PTK2: variants seen among roughly 807,000 people sequenced by gnomAD.
PTK2 encodes the protein focal adhesion kinase 1.
Under a neutral mutation model 150.1 loss-of-function variants are expected in PTK2, and 45 were observed. The ratio of observed to expected loss-of-function variants is 0.30; its 90% CI spans 0.24 to 0.38. The LOEUF is 0.38. Ranked by LOEUF, PTK2 falls within the 10% of genes least tolerant of loss-of-function variation. The pLI is 1.00. For missense variants in PTK2, 919 were observed against 1,307.3 expected (o/e 0.70, Z 4.58); for synonymous variants, 432 against 449.2 (o/e 0.96, Z 0.48).
In PTK2 at chr8:140,713,451, C is replaced by T. The variant is rs558824435; in HGVS notation, c.2142+4147G>A. Among the ~76,000 whole-genome samples the T allele has an allele frequency of 2.1e-4, 32 of 152,240 alleles. 1 individual carries two copies. In the East Asian group the frequency reaches 4.8e-3, roughly 23 times the overall value. On this transcript the variant is annotated intron_variant, in intron 23 of 31. Transcript: ENST00000522684. The stretch of plus-strand genomic sequence containing the variant: ...CTAATTTTTGTATTTTTAGTTGAAA[C>T]GGGGTTTTGCCATGTTGGCCAGGCT...
At chr8:140,673,112 T>C (rs2100011591) in intron 29 of PTK2, among the ~76,000 whole-genome samples, 2 of 152,118 alleles carry the variant, frequency 1.3e-5, no homozygotes, top group South Asian at 4.1e-4. Context: ...ATCCTTTTTT[T>C]TTTTTTTAAC....
exon 12 of PTK2, chr8:140,800,489 A>C: frequency 1.2e-6 from 2 of 1,613,756 alleles, no homozygotes; most frequent in Non-Finnish European, 1.7e-6. Flanking sequence ...AATGACTGCG[A>C]GGTTCCATTC....
Position 140,972,989 on chromosome 8 carries a change from A to C in PTK2, c.-122+28136T>G. 1.3e-5 allele frequency among the ~76,000 whole-genome samples: 2 copies of C among 152,268 alleles called. 1 individual carries two copies. Among genetic ancestry groups the C allele is most frequent in the Non-Finnish European group, 2.9e-5 (2 of 68,040 alleles). On this transcript the variant is annotated intron_variant, in intron 1 of 31. Transcript: ENST00000522684. ...AAATCCCTGATAGAAATGTTAGAAC[A>C]GATGTCAAGTATGACACACTTCTGG...
chr8:140,671,787 A>C lies in PTK2; in HGVS notation c.2709+2511T>G, dbSNP rs1313847902. ...AAAAAAAAAAAAAAAAAAAAATTAG[A>C]TGGGCCTGGTGGCGGGTGCCTGTAG... On this transcript the variant is annotated intron_variant, in intron 29 of 31. Coordinates refer to ENST00000522684, the Ensembl canonical transcript of PTK2. 8.4e-5 allele frequency among the ~76,000 whole-genome samples: 12 copies of C among 143,330 alleles called. No homozygotes were observed. The East Asian group carries it at 1.7e-3, about 20-fold the overall frequency. The allele number at this position is 143,330 out of a possible 152,430, so 94.0% of individuals were successfully genotyped here. A position where few individuals can be genotyped will look rare whatever the true frequency, so the allele number is the denominator to read the frequency against.
At chr8:140,691,199 G>T (rs58254850) in intron 26 of PTK2, among the ~76,000 whole-genome samples, 3 of 144,218 alleles carry the variant, frequency 2.1e-5, no homozygotes, top group Non-Finnish European at 4.7e-5. Context: ...ATGGTTGGGG[G>T]TGGGGGGTCT....
chr8:140,929,004 C>T (rs1313730396), intron 1 of PTK2, among the ~76,000 whole-genome samples: 3 of 107,896 alleles, frequency 2.8e-5, no homozygotes, highest in South Asian at 6.8e-4. Context: ...CTCGCTCTGT[C>T]GCCCAGGCTG....
chr8:140,670,165 G>A (rs755708235), intron 29 of PTK2: 21 of 159,972 alleles, frequency 1.3e-4, no homozygotes, highest in Non-Finnish European at 2.2e-4. Flanking sequence ...TCCTGAGCCC[G>A]GCCCCTCAAT....
intron 10 of PTK2, among the ~76,000 whole-genome samples, chr8:140,816,913 T>C (rs1258790068): frequency 1.3e-5 from 2 of 152,222 alleles, no homozygotes; most frequent in Non-Finnish European, 2.9e-5. Flanking sequence ...ATTACAACTA[T>C]TTGAAACGAA....
intron 1 of PTK2, among the ~76,000 whole-genome samples, chr8:140,929,442 C>A (rs1004494835): frequency 2.6e-5 from 4 of 152,138 alleles, no homozygotes; most frequent in Non-Finnish European, 5.9e-5. Flanking sequence ...TAACCAATCA[C>A]TGACTAAGGG....
intron 5 of PTK2, among the ~76,000 whole-genome samples, chr8:140,859,035 G>A (rs1341581847): frequency 6.6e-6 from 1 of 152,104 alleles, no homozygotes; most frequent in African/African-American, 2.4e-5. Flanking sequence ...TAAAACCGCT[G>A]AACAAATTAT....
At chr8:140,697,975 A>C (rs181058717) in intron 26 of PTK2, among the ~76,000 whole-genome samples, 182 of 145,668 alleles carry the variant, frequency 1.2e-3, no homozygotes, top group African/African-American at 4.5e-3. Flanking sequence ...GATTATAGTC[A>C]CTGTGCCTGG....
intron 29 of PTK2, chr8:140,668,879 T>C (rs2093946191): frequency 6.4e-6 from 1 of 156,790 alleles, no homozygotes. Context: ...ATGGCTCAGC[T>C]TAGCTGCCCT....
chr8:140,926,572 G>A (rs2100169555), intron 1 of PTK2, among the ~76,000 whole-genome samples: 1 of 152,198 alleles, frequency 6.6e-6, no homozygotes, highest in Non-Finnish European at 1.5e-5. Flanking sequence ...AGGCTCATGT[G>A]ATAGTCCTCT....
chr8:140,736,596 T>C (rs1456800599), intron 21 of PTK2, among the ~76,000 whole-genome samples: 1 of 151,498 alleles, frequency 6.6e-6, no homozygotes, highest in Non-Finnish European at 1.5e-5. Context: ...AATGAACATA[T>C]AATGCAATGT....
At chr8:140,676,416 A>T (rs2100013743) in intron 27 of PTK2, among the ~76,000 whole-genome samples, 1 of 146,466 alleles carries the variant, frequency 6.8e-6, no homozygotes, top group Non-Finnish European at 1.5e-5. Context: ...ATTAATTAAT[A>T]TATATATTCC....
chr8:140,961,103 G>C (rs2100183028), intron 1 of PTK2, among the ~76,000 whole-genome samples: 1 of 152,198 alleles, frequency 6.6e-6, no homozygotes, highest in African/African-American at 2.4e-5. Context: ...CTGAATTCCA[G>C]TCCTAGTTCT....
chr8:140,951,677 G>GT (rs1358738521), intron 1 of PTK2, among the ~76,000 whole-genome samples: 3 of 152,150 alleles, frequency 2.0e-5, no homozygotes, highest in Middle Eastern at 3.2e-3. Context: ...GAAGCCAGGA[G>GT]TTTGAGACCA....
chr8:140,900,497 GTA>G (rs2100158000), intron 2 of PTK2, among the ~76,000 whole-genome samples: 1 of 152,106 alleles, frequency 6.6e-6, no homozygotes, highest in Admixed American at 6.6e-5. Flanking sequence ...CAAGGCAGGC[GTA>G]TCACTAGAGG....
chr8:140,671,980 T>A (rs1243498176), intron 29 of PTK2, among the ~76,000 whole-genome samples: 2 of 151,368 alleles, frequency 1.3e-5, no homozygotes, highest in South Asian at 4.2e-4. Context: ...TAAGTACACA[T>A]ATTATTTTCA....
Sources: allele counts gnomAD v4.1 joint callset (sites outside exome capture counted in the v4.1 genomes callset), GRCh38; gene constraint gnomAD v4.1.1; transcripts MANE v1.5; gene names NCBI Gene and HGNC (gene_info 2026-07-23, HGNC 2026-07-21).